The following GPC5 variants were observed in gnomAD, a reference collection of about 807,000 sequenced individuals.
GPC5 encodes the protein glypican-5.
Under a neutral mutation model 53.9 loss-of-function variants are expected in GPC5, and 47 were observed. The observed-to-expected ratio is 0.87, with a 90% CI of 0.69 to 1.11. The LOEUF is 1.11. Ranked by LOEUF, GPC5 falls within the 50% of genes most tolerant of loss-of-function variation. The probability of loss-of-function intolerance (pLI) is 0.00; values close to 1 mark genes in which losing one functional copy is unlikely to be tolerated. For synonymous variants in GPC5, 286 were observed against 263.3 expected (o/e 1.09, Z -0.84); for missense variants, 748 against 713.1 (o/e 1.05, Z -0.56).
At chr13:91,817,247 GC>G (rs1241040349) in intron 5 of GPC5, among the ~76,000 whole-genome samples, 1 of 152,076 alleles carries the variant, frequency 6.6e-6, no homozygotes, top group Non-Finnish European at 1.5e-5. Flanking sequence ...TGCATGGATT[GC>G]CCAGAACATT....
intron 2 of GPC5, among the ~76,000 whole-genome samples, chr13:91,623,585 GTTTCA>G (rs2033922609): frequency 6.6e-6 from 1 of 152,066 alleles, no homozygotes; most frequent in Admixed American, 6.6e-5. Context: ...GTTGGGTGAA[GTTTCA>G]TAGGTTGTGC....
At chr13:92,483,517 G>T (rs2139435801) in intron 7 of GPC5, among the ~76,000 whole-genome samples, 1 of 152,276 alleles carries the variant, frequency 6.6e-6, no homozygotes, top group Non-Finnish European at 1.5e-5. Context: ...GTTACTGTGG[G>T]TGAGTCAGTG....
intron 5 of GPC5, among the ~76,000 whole-genome samples, chr13:91,761,739 T>G (rs901397064): frequency 5.3e-5 from 8 of 152,184 alleles, no homozygotes; most frequent in African/African-American, 1.9e-4. Flanking sequence ...CTCTAGGAAC[T>G]TCTTTGTGTT....
chr13:91,490,651 T>C (rs546598031), intron 2 of GPC5, among the ~76,000 whole-genome samples: 84 of 152,266 alleles, frequency 5.5e-4, no homozygotes, highest in African/African-American at 1.9e-3. Flanking sequence ...CTTAACACAA[T>C]AGGAGTTGAG....
intron 6 of GPC5, among the ~76,000 whole-genome samples, chr13:91,939,933 ATC>A (rs930752587): frequency 2.6e-5 from 4 of 152,000 alleles, no homozygotes; most frequent in African/African-American, 9.7e-5. Context: ...GTTCCACCAC[ATC>A]TCTTTTGGGC....
intron 2 of GPC5, among the ~76,000 whole-genome samples, chr13:91,548,173 G>T (rs981322719): frequency 6.6e-6 from 1 of 152,096 alleles, no homozygotes; most frequent in Admixed American, 6.6e-5. Flanking sequence ...AAATACCACT[G>T]TTTTTGTTTG....
At chr13:92,127,871 A>C (rs1160470060) in intron 6 of GPC5, among the ~76,000 whole-genome samples, 1 of 152,224 alleles carries the variant, frequency 6.6e-6, no homozygotes, top group Non-Finnish European at 1.5e-5. Context: ...CACCCATAGA[A>C]CAGTGTGAAA....
intron 6 of GPC5, among the ~76,000 whole-genome samples, chr13:91,923,405 C>T (rs2039735928): frequency 6.6e-6 from 1 of 152,084 alleles, no homozygotes; most frequent in Admixed American, 6.5e-5. Flanking sequence ...AGTTAATGCA[C>T]CTTGAAAGCA....
intron 2 of GPC5, among the ~76,000 whole-genome samples, chr13:91,630,835 G>T (rs941236416): frequency 3.4e-5 from 5 of 146,390 alleles, no homozygotes; most frequent in Non-Finnish European, 6.3e-5. Context: ...TTTTTCTTTT[G>T]TTTTTTTGTT....
chr13:92,551,200 G>A (rs943427090), intron 7 of GPC5, among the ~76,000 whole-genome samples: 1 of 148,918 alleles, frequency 6.7e-6, no homozygotes, highest in South Asian at 2.1e-4. Context: ...CACAGTGCAG[G>A]CCAATGTGTG....
chr13:92,070,429 G>T (rs979223734), intron 6 of GPC5, among the ~76,000 whole-genome samples: 1 of 152,018 alleles, frequency 6.6e-6, no homozygotes, highest in Non-Finnish European at 1.5e-5. Context: ...TTATTAATCT[G>T]CCCGAAAATT....
Position 92,450,624 on chromosome 13 carries a change from C to T in GPC5, c.1561+305635C>T, listed in dbSNP as rs1878023020. On this transcript the variant is annotated intron_variant, in intron 7 of 7. Transcript: ENST00000377067. The stretch of plus-strand genomic sequence containing the variant: ...AAAGAAAAACTATGCTTAGAAGCTG[C>T]AGGCTGGTTGATGTTATAACCTATA... Among the ~76,000 whole-genome samples, 3 of 152,174 alleles carry T rather than the reference C, an allele frequency of 2.0e-5. No individual in the cohort carries two copies. In the South Asian group the frequency reaches 6.2e-4, roughly 31 times the overall value.
chr13:92,802,669 AT>A (rs1876953072), intron 7 of GPC5, among the ~76,000 whole-genome samples: 1 of 151,916 alleles, frequency 6.6e-6, no homozygotes, highest in South Asian at 2.1e-4. Flanking sequence ...TGAACTCATC[AT>A]TTTTTATGGC....
At chr13:92,170,232 TAG>T (rs1240443633) in intron 7 of GPC5, among the ~76,000 whole-genome samples, 1 of 151,852 alleles carries the variant, frequency 6.6e-6, no homozygotes, top group African/African-American at 2.4e-5. Context: ...TAATTTTGTA[TAG>T]AAAGTCTTTT....
At chr13:91,432,205 GTGTGT>G (rs1367802540) in intron 1 of GPC5, among the ~76,000 whole-genome samples, 5,791 of 119,180 alleles carry the variant, frequency 0.049, 152 homozygotes, top group East Asian at 0.16. Context: ...TGCTGCTGCT[GTGTGT>G]GTGTGTGTGT....
chr13:91,502,895 A>G (rs1884723375), intron 2 of GPC5, among the ~76,000 whole-genome samples: 1 of 152,112 alleles, frequency 6.6e-6, no homozygotes, highest in African/African-American at 2.4e-5. Flanking sequence ...TGGTACTGTG[A>G]CTCCAAGGCT....
chr13:92,188,827 T>A (rs1012185659), intron 7 of GPC5, among the ~76,000 whole-genome samples: 3 of 152,170 alleles, frequency 2.0e-5, no homozygotes, highest in African/African-American at 7.2e-5. Flanking sequence ...AATTTGCACA[T>A]CACCATGCCA....
intron 6 of GPC5, among the ~76,000 whole-genome samples, chr13:91,942,853 C>A (rs962791360): frequency 2.0e-5 from 3 of 152,014 alleles, no homozygotes; most frequent in African/African-American, 7.2e-5. Context: ...AATCTTTTAA[C>A]TACAATAATT....
intron 7 of GPC5, among the ~76,000 whole-genome samples, chr13:92,245,651 T>G (rs932244182): frequency 1.3e-5 from 2 of 152,142 alleles, no homozygotes; most frequent in Non-Finnish European, 2.9e-5. Context: ...TCATATGTGT[T>G]TTTATAGCTG....
Sources: allele counts gnomAD v4.1 joint callset (sites outside exome capture counted in the v4.1 genomes callset), GRCh38; gene constraint gnomAD v4.1.1; transcripts MANE v1.5; gene names NCBI Gene and HGNC (gene_info 2026-07-23, HGNC 2026-07-21).